The following MAGI2 variants were observed in gnomAD, a reference collection of about 807,000 sequenced individuals.
MAGI2 encodes the protein membrane associated guanylate kinase, WW and PDZ domain containing 2.
Under a neutral mutation model 133.3 loss-of-function variants are expected in MAGI2, and 35 were observed. That is an observed-to-expected ratio of 0.26 (90% CI 0.20 to 0.35). The LOEUF is 0.35. Among genes scored for constraint, MAGI2 ranks in the 10% least tolerant of loss-of-function variants. MAGI2 has a pLI of 1.00. For synonymous variants in MAGI2, 729 were observed against 710.6 expected (o/e 1.03, Z -0.41); for missense variants, 1,636 against 1,863.4 (o/e 0.88, Z 2.25).
At chr7:78,658,215 A>G (rs1812518578) in intron 2 of MAGI2, among the ~76,000 whole-genome samples, 1 of 152,176 alleles carries the variant, frequency 6.6e-6, no homozygotes, top group South Asian at 2.1e-4. Context: ...TGCAAACACA[A>G]TTAAATGAAA....
At chr7:78,292,895 A>C (rs1796862205) in intron 9 of MAGI2, among the ~76,000 whole-genome samples, 1 of 152,216 alleles carries the variant, frequency 6.6e-6, no homozygotes, top group Non-Finnish European at 1.5e-5. Flanking sequence ...AGAAAGCTGA[A>C]ACTGGACCCC....
At chr7:79,190,820 T>C (rs1457120590) in intron 1 of MAGI2, among the ~76,000 whole-genome samples, 1 of 151,824 alleles carries the variant, frequency 6.6e-6, no homozygotes, top group Non-Finnish European at 1.5e-5. Context: ...AATTTTTTTC[T>C]CCCATTTTTA....
intron 2 of MAGI2, among the ~76,000 whole-genome samples, chr7:78,773,114 G>A (rs1209608279): frequency 1.3e-5 from 2 of 152,162 alleles, no homozygotes; most frequent in Non-Finnish European, 2.9e-5. Context: ...TAATTTGTGA[G>A]CTTTAACCCT....
chr7:78,023,891 T>C (rs904336976), intron 21 of MAGI2, among the ~76,000 whole-genome samples: 1 of 152,230 alleles, frequency 6.6e-6, no homozygotes, highest in East Asian at 1.9e-4. Context: ...AAAAACACAG[T>C]ACAGCAGTTG....
intron 6 of MAGI2, among the ~76,000 whole-genome samples, chr7:78,489,078 CT>C (rs1256678993): frequency 2.0e-5 from 3 of 151,932 alleles, no homozygotes; most frequent in African/African-American, 7.2e-5. Flanking sequence ...TAAAATTAAA[CT>C]CAATATTTTA....
At chr7:78,473,075 T>G (rs1791389863) in intron 6 of MAGI2, among the ~76,000 whole-genome samples, 1 of 152,082 alleles carries the variant, frequency 6.6e-6, no homozygotes, top group East Asian at 1.9e-4. Context: ...CACAAAGTGC[T>G]CATTAAGATA....
rs531069043 is a variant in MAGI2 at position 78,548,522 on chromosome 7, C to A, written c.539-26877G>T. 5.3e-5 allele frequency among the ~76,000 whole-genome samples: 8 copies of A among 152,192 alleles called. No homozygotes were observed. The East Asian group carries it at 1.4e-3, about 26-fold the overall frequency. On this transcript the variant is annotated intron_variant, in intron 3 of 21. Transcript: ENST00000354212. Reference sequence around the variant, plus strand: ...TCAGCCTGGCCAACATGGTGAAACCCCGTCTCTATTAAAAATACAAAAATT... The same window carrying A: ...TCAGCCTGGCCAACATGGTGAAACCACGTCTCTATTAAAAATACAAAAATT...
chr7:78,774,848 A>G (rs186316834), intron 2 of MAGI2, among the ~76,000 whole-genome samples: 66 of 152,316 alleles, frequency 4.3e-4, no homozygotes, highest in African/African-American at 1.6e-3. Flanking sequence ...CATGGTGACT[A>G]ATTGAATATG....
chr7:78,265,971 A>C (rs1793960114), intron 9 of MAGI2, among the ~76,000 whole-genome samples: 1 of 152,180 alleles, frequency 6.6e-6, no homozygotes, highest in African/African-American at 2.4e-5. Flanking sequence ...ACACTTTCCA[A>C]CAGTTTATTC....
intron 6 of MAGI2, among the ~76,000 whole-genome samples, chr7:78,483,560 C>A (rs1195244721): frequency 6.6e-6 from 1 of 151,432 alleles, no homozygotes; most frequent in Non-Finnish European, 1.5e-5. Flanking sequence ...CCAGCCACAA[C>A]CCAAAATTTG....
At chr7:78,190,545 G>A (rs1448574405) in intron 12 of MAGI2, among the ~76,000 whole-genome samples, 1 of 152,078 alleles carries the variant, frequency 6.6e-6, no homozygotes, top group Non-Finnish European at 1.5e-5. Flanking sequence ...GCACAGACAA[G>A]GATTGTCCAG....
At chr7:78,124,827 TCTTAA>T (rs1482745523) in intron 20 of MAGI2, among the ~76,000 whole-genome samples, 1 of 151,512 alleles carries the variant, frequency 6.6e-6, no homozygotes, top group African/African-American at 2.4e-5. Context: ...AAAAATCTAC[TCTTAA>T]CTTTAATTGG....
intron 1 of MAGI2, among the ~76,000 whole-genome samples, chr7:79,089,095 C>T (rs1016859966): frequency 4.6e-5 from 7 of 151,960 alleles, no homozygotes; most frequent in Admixed American, 3.9e-4. Flanking sequence ...AGAACTTAAA[C>T]AAGTTTACAA....
At chr7:78,301,319 G>GA (rs1430722505) in intron 9 of MAGI2, among the ~76,000 whole-genome samples, 2 of 151,728 alleles carry the variant, frequency 1.3e-5, no homozygotes, top group Non-Finnish European at 1.5e-5. Flanking sequence ...GTAAATTTCA[G>GA]AAAAAAAACC....
At chr7:78,762,338 G>C (rs540389969) in intron 2 of MAGI2, among the ~76,000 whole-genome samples, 1 of 152,122 alleles carries the variant, frequency 6.6e-6, no homozygotes, top group Non-Finnish European at 1.5e-5. Flanking sequence ...AGTTACTCAG[G>C]AGGCTGAGGC....
intron 2 of MAGI2, among the ~76,000 whole-genome samples, chr7:78,640,590 G>A (rs1810182975): frequency 6.7e-6 from 1 of 149,324 alleles, no homozygotes; most frequent in Non-Finnish European, 1.5e-5. Context: ...TATTTGCCAG[G>A]ACTAATAGAG....
intron 20 of MAGI2, among the ~76,000 whole-genome samples, chr7:78,125,156 G>A (rs1386892606): frequency 2.0e-5 from 3 of 152,124 alleles, no homozygotes; most frequent in East Asian, 1.9e-4. Context: ...GAGCCACCAC[G>A]CCCGGCCCCT....
intron 3 of MAGI2, among the ~76,000 whole-genome samples, chr7:78,588,398 CAT>C (rs1237934712): frequency 2.0e-5 from 3 of 152,090 alleles, no homozygotes; most frequent in Non-Finnish European, 4.4e-5. Flanking sequence ...GTGAAATATG[CAT>C]AGTTATTACA....
chr7:78,749,892 T>A (rs568882522), intron 2 of MAGI2, among the ~76,000 whole-genome samples: 44 of 145,772 alleles, frequency 3.0e-4, no homozygotes, highest in African/African-American at 1.0e-3. Flanking sequence ...TATTGAGAAT[T>A]TTTTTTCATA....
Sources: gnomAD v4.1 joint callset for allele counts (sites outside exome capture counted in the v4.1 genomes callset) on GRCh38, gnomAD v4.1.1 for gene constraint, MANE v1.5 for transcripts, NCBI Gene and HGNC (gene_info 2026-07-23, HGNC 2026-07-21) for gene names.